Variants in SLC43A2 observed in about 807,000 individuals in gnomAD.
SLC43A2 encodes large neutral amino acids transporter small subunit 4.
Under a neutral mutation model 63.2 loss-of-function variants are expected in SLC43A2, and 38 were observed. That is an observed-to-expected ratio of 0.60 (90% CI 0.46 to 0.79). The LOEUF is 0.79. SLC43A2 is among the 30% of genes least tolerant of loss of function. The probability of loss-of-function intolerance (pLI) is 0.00; values close to 1 mark genes in which losing one functional copy is unlikely to be tolerated. For synonymous variants in SLC43A2, 322 were observed against 331.0 expected (o/e 0.97, Z 0.30); for missense variants, 644 against 756.2 (o/e 0.85, Z 1.74).
At chr17:1,586,928 T>TCGC in intron 9 of SLC43A2, 11 of 1,232,892 alleles carry the variant, frequency 8.9e-6, no homozygotes, top group Non-Finnish European at 1.2e-5. Context: ...TCCCTGACAA[T>TCGC]CCCCCCCACC....
intron 5 of SLC43A2, among the ~76,000 whole-genome samples, chr17:1,609,815 C>CT (rs965989597): frequency 1.1e-4 from 16 of 141,130 alleles, no homozygotes; most frequent in Non-Finnish European, 1.2e-4. Flanking sequence ...TATCACAGTT[C>CT]TTTTTTTTTT....
chr17:1,614,866 T>C, intron 4 of SLC43A2, 113 bp downstream of exon 4: 1 of 1,084,790 alleles, frequency 9.2e-7, no homozygotes, highest in Non-Finnish European at 1.4e-6. Flanking sequence ...CCCCTCTAAC[T>C]TGAGCAGGGA....
rs553334509 is a variant in SLC43A2 at position 1,582,137 on chromosome 17, T to C, written c.1350+1067A>G. Among the ~76,000 whole-genome samples the C allele has an allele frequency of 1.8e-4, 28 of 151,894 alleles. No homozygotes were observed. In the East Asian group the frequency reaches 2.3e-3, roughly 13 times the overall value. ...CTCTGTCATCCAGGCTGGAGTGCAGTGGCGCGATCTCAGTTCACTGCAACC... is the reference window on the plus strand; with the variant it reads ...CTCTGTCATCCAGGCTGGAGTGCAGCGGCGCGATCTCAGTTCACTGCAACC... On this transcript the variant is annotated intron_variant, in intron 11 of 13. Transcript: ENST00000301335.
chr17:1,599,268 G>A (rs973070510), intron 5 of SLC43A2, among the ~76,000 whole-genome samples: 19 of 151,256 alleles, frequency 1.3e-4, no homozygotes, highest in Admixed American at 4.0e-4. Context: ...TGAACCCAGG[G>A]GGCAGAGGTT....
At chr17:1,604,790 C>T (rs750663607) in intron 5 of SLC43A2, 12 of 1,535,682 alleles carry the variant, frequency 7.8e-6, no homozygotes, top group Non-Finnish European at 9.6e-6. Context: ...GCCACAGCAT[C>T]GGATGGGCTT....
chr17:1,583,528 C>T lies in SLC43A2; in HGVS notation c.1218-192G>A. The T allele has an allele frequency of 2.3e-6, 2 of 868,790 alleles. No homozygotes were observed. Among genetic ancestry groups the T allele is most frequent in the Non-Finnish European group, 3.4e-6 (2 of 589,966 alleles). 53.8% of individuals were successfully genotyped at this position (868,790 alleles called of 1,614,324 possible). A position where few individuals can be genotyped will look rare whatever the true frequency, so the allele number is the denominator to read the frequency against. On this transcript the variant is annotated intron_variant, in intron 10 of 13. Transcript: ENST00000301335. This position sits in a 1 kb window ranked among gnomAD's most constrained non-coding sequence, Gnocchi z 5.5. ...CTCCCCGGCCCTTCTCAGTGGCAAG[C>T]TGAGTGTGACTCTCGGAGGGGGTCT...
At chr17:1,604,889 T>C (rs1555542363) in intron 5 of SLC43A2, 1 of 1,534,954 alleles carries the variant, frequency 6.5e-7, no homozygotes. Context: ...CCAGCTTCCC[T>C]GCCTCCACCG....
intron 5 of SLC43A2, among the ~76,000 whole-genome samples, chr17:1,602,504 G>C (rs1279168359): frequency 6.6e-6 from 1 of 151,764 alleles, no homozygotes; most frequent in Non-Finnish European, 1.5e-5. Context: ...AAATTAGCCG[G>C]ACATGGTGGC....
chr17:1,585,236 T>C, intron 10 of SLC43A2: 3 of 995,112 alleles, frequency 3.0e-6, no homozygotes, highest in Non-Finnish European at 3.6e-6. Flanking sequence ...TACTCAATGC[T>C]TCTTCTTTAT....
chr17:1,597,360 C>A (rs1418954236), intron 5 of SLC43A2, among the ~76,000 whole-genome samples: 1 of 150,904 alleles, frequency 6.6e-6, no homozygotes, highest in African/African-American at 2.4e-5. Flanking sequence ...CAAAAATTAG[C>A]CAGGCATGGT....
intron 2 of SLC43A2, among the ~76,000 whole-genome samples, chr17:1,627,130 C>T (rs897433178): frequency 6.6e-6 from 1 of 152,156 alleles, no homozygotes; most frequent in African/African-American, 2.4e-5. Context: ...TGGAAAGCCA[C>T]GGAGATGTCC....
At chr17:1,603,774 A>G (rs1906305792) in intron 5 of SLC43A2, among the ~76,000 whole-genome samples, 1 of 151,972 alleles carries the variant, frequency 6.6e-6, no homozygotes, top group Non-Finnish European at 1.5e-5. Context: ...AACAAGAGTG[A>G]AACTCTGCCT....
intron 5 of SLC43A2, among the ~76,000 whole-genome samples, chr17:1,608,834 T>G (rs1906849735): frequency 6.6e-6 from 1 of 152,172 alleles, no homozygotes; most frequent in Non-Finnish European, 1.5e-5. Flanking sequence ...ACGGCTCTCC[T>G]GAAGCTTACT....
chr17:1,622,490 G>A (rs988315524), intron 2 of SLC43A2, among the ~76,000 whole-genome samples: 8 of 152,002 alleles, frequency 5.3e-5, no homozygotes, highest in Admixed American at 1.3e-4. Context: ...GCGTGAACCC[G>A]GGAGGCGGAG....
intron 9 of SLC43A2, among the ~76,000 whole-genome samples, chr17:1,589,107 C>T (rs575699525): frequency 1.3e-5 from 2 of 152,340 alleles, no homozygotes; most frequent in Non-Finnish European, 2.9e-5. Flanking sequence ...TGCCACAGAC[C>T]AACCTTCCTG....
At chr17:1,591,727 G>A (rs769009243) in intron 6 of SLC43A2, 28 bp from the exon 7 acceptor site, 29 of 968,314 alleles carry the variant, frequency 3.0e-5, no homozygotes, top group Admixed American at 6.5e-5. Flanking sequence ...GACGGGGTGG[G>A]GGGGGGAGGG....
In SLC43A2 at chr17:1,586,891, AC is replaced by A; in HGVS notation, c.1079-841del. On this transcript the variant is annotated intron_variant, in intron 9 of 13. Coordinates refer to ENST00000301335, the MANE Select transcript of SLC43A2 (RefSeq NM_152346.3). Reference sequence around the variant, plus strand: ...TGAGGAGCTTCTGGGTTGAACAGAGACTGGCTGGGAGGGGACATCACAGCAT... The same window carrying A: ...TGAGGAGCTTCTGGGTTGAACAGAGATGGCTGGGAGGGGACATCACAGCAT... 2.0e-6 allele frequency: 3 copies of A among 1,524,216 alleles called. No individual in the cohort carries two copies. The South Asian group carries it at 3.7e-5, about 19-fold the overall frequency. 94.4% of individuals were successfully genotyped at this position (1,524,216 alleles called of 1,614,324 possible).
At chr17:1,618,776 G>A (rs1219486536) in intron 2 of SLC43A2, among the ~76,000 whole-genome samples, 1 of 152,190 alleles carries the variant, frequency 6.6e-6, no homozygotes, top group Non-Finnish European at 1.5e-5. Flanking sequence ...CCCGAGGTCA[G>A]GAGTTCAAGA....
At chr17:1,625,767 C>T (rs972726146) in intron 2 of SLC43A2, among the ~76,000 whole-genome samples, 7 of 152,074 alleles carry the variant, frequency 4.6e-5, no homozygotes, top group African/African-American at 1.7e-4. Flanking sequence ...AGCAAAAGTT[C>T]GGGATAAGAA....
Sources: allele counts gnomAD v4.1 joint callset (sites outside exome capture counted in the v4.1 genomes callset), GRCh38; gene constraint gnomAD v4.1.1; non-coding constraint Gnocchi (gnomAD v3.1); transcripts MANE v1.5; gene names NCBI Gene and HGNC (gene_info 2026-07-23, HGNC 2026-07-21).